Variants in AHCY observed in about 807,000 individuals in gnomAD.
AHCY encodes adenosylhomocysteinase.
In AHCY, 24 loss-of-function variants were observed where a neutral mutation model predicts 45.4. That is an observed-to-expected ratio of 0.53 (90% CI 0.38 to 0.74). AHCY has a LOEUF of 0.74. Among genes scored for constraint, AHCY ranks in the 30% least tolerant of loss-of-function variants. The pLI is 0.00. For synonymous variants in AHCY, 245 were observed against 235.1 expected (o/e 1.04, Z -0.39); for missense variants, 449 against 594.1 (o/e 0.76, Z 2.54).
chr20:34,286,270 C>T (rs186996820), intron 8 of AHCY: 1 of 155,308 alleles, frequency 6.4e-6, no homozygotes, highest in Non-Finnish European at 1.4e-5. Flanking sequence ...GTACTAAGTC[C>T]TTTACAGGTA....
intron 1 of AHCY, chr20:34,302,516 A>T: frequency 1.3e-6 from 1 of 779,172 alleles, no homozygotes; most frequent in Non-Finnish European, 1.6e-6. Context: ...TCATAAAATG[A>T]GAACAGTTTC....
chr20:34,301,245 T>C (rs2036761448), intron 1 of AHCY, among the ~76,000 whole-genome samples: 1 of 152,098 alleles, frequency 6.6e-6, no homozygotes, highest in African/African-American at 2.4e-5. Context: ...GGGGCCCGGC[T>C]GTATGGGACA....
At chr20:34,307,791 T>TA (rs2036911022), upstream of AHCY, among the ~76,000 whole-genome samples, 1 of 152,234 alleles carries the variant, frequency 6.6e-6, no homozygotes, top group African/African-American at 2.4e-5. Flanking sequence ...CCCATTAAAT[T>TA]AAAAAAATTT....
At chr20:34,254,728 G>C in the AHCY span, among the ~76,000 whole-genome samples, 2 of 151,970 alleles carry the variant, frequency 1.3e-5, no homozygotes, top group African/African-American at 2.4e-5. Flanking sequence ...TTTTTCTAAC[G>C]TTCACAAAGT....
intron 9 of AHCY, 42 bp downstream of exon 9, chr20:34,285,398 T>C: frequency 6.2e-7 from 1 of 1,609,470 alleles, no homozygotes; most frequent in Non-Finnish European, 8.5e-7. Flanking sequence ...ATCCCAGGAT[T>C]AGACACGTGA....
chr20:34,310,862 A>T (rs1008282537), intron 1 of AHCY, among the ~76,000 whole-genome samples: 4 of 152,064 alleles, frequency 2.6e-5, no homozygotes, highest in Non-Finnish European at 5.9e-5. Flanking sequence ...GTGGTGGCTC[A>T]TGTCTGTAAT....
At chr20:34,278,607 C>G (rs1214507621), downstream of AHCY, among the ~76,000 whole-genome samples, 2 of 152,108 alleles carry the variant, frequency 1.3e-5, no homozygotes, top group Non-Finnish European at 2.9e-5. Flanking sequence ...AATCCAGGCT[C>G]CCTTCCTAAA....
the AHCY span, among the ~76,000 whole-genome samples, chr20:34,263,602 GA>G: frequency 6.9e-6 from 1 of 145,908 alleles, no homozygotes; most frequent in African/African-American, 2.7e-5. Context: ...AAATGCAGTT[GA>G]CTCTTGAACA....
the AHCY span, among the ~76,000 whole-genome samples, chr20:34,258,860 G>GAT: frequency 8.8e-6 from 1 of 113,104 alleles, no homozygotes; most frequent in African/African-American, 3.2e-5. Flanking sequence ...TATAATATAT[G>GAT]ATATATATAA....
the AHCY span, among the ~76,000 whole-genome samples, chr20:34,271,096 C>A: frequency 6.6e-6 from 1 of 152,138 alleles, no homozygotes. Flanking sequence ...ACCTCAGCCT[C>A]CCAAGTAGCT....
At chr20:34,303,367 G>A (rs953592927), upstream of AHCY, 8 of 1,511,588 alleles carry the variant, frequency 5.3e-6, no homozygotes, top group African/African-American at 8.3e-5. Flanking sequence ...TATGCGCGTG[G>A]CGCCGACGCC....
chr20:34,308,671 T>G (rs2122851534), intron 1 of AHCY, among the ~76,000 whole-genome samples: 1 of 151,824 alleles, frequency 6.6e-6, no homozygotes, highest in East Asian at 1.9e-4. Flanking sequence ...TTTTTTTTTT[T>G]GACACAGAGA....
chr20:34,302,035 C>G, intron 1 of AHCY: 1 of 969,308 alleles, frequency 1.0e-6, no homozygotes, highest in Non-Finnish European at 1.2e-6. Context: ...GGGTCTTGCT[C>G]TGTTGCCCAG....
the AHCY span, among the ~76,000 whole-genome samples, chr20:34,235,842 A>G: frequency 2.7e-5 from 1 of 37,282 alleles, no homozygotes; most frequent in East Asian, 8.3e-4. Context: ...AGAAAGAAAG[A>G]AGGAAGGAAG....
intron 1 of AHCY, chr20:34,302,797 C>A: frequency 9.9e-7 from 1 of 1,009,178 alleles, no homozygotes; most frequent in East Asian, 1.0e-4. Flanking sequence ...TCCTCATACA[C>A]CCTCCGGGGT....
the AHCY span, among the ~76,000 whole-genome samples, chr20:34,269,724 C>G: frequency 6.6e-6 from 1 of 151,768 alleles, no homozygotes; most frequent in Non-Finnish European, 1.5e-5. Flanking sequence ...GCGGGCGGAT[C>G]TCCTGAGGTC....
chr20:34,245,012 C>A, the AHCY span, among the ~76,000 whole-genome samples: 2 of 152,100 alleles, frequency 1.3e-5, no homozygotes, highest in African/African-American at 4.8e-5. Flanking sequence ...CATAAAAAGT[C>A]TACCGGGTTT....
At chr20:34,241,469 G>A in the AHCY span, 1 of 985,442 alleles carries the variant, frequency 1.0e-6, no homozygotes, top group East Asian at 1.1e-4. Context: ...TCCTTGGCCT[G>A]GGCTCTTTGC....
At chr20:34,255,877 A>G in the AHCY span, among the ~76,000 whole-genome samples, 1 of 152,132 alleles carries the variant, frequency 6.6e-6, no homozygotes, top group Non-Finnish European at 1.5e-5. Flanking sequence ...TACTTAGCAG[A>G]CCGAGAAAGG....
Sources: gnomAD v4.1 joint callset for allele counts (sites outside exome capture counted in the v4.1 genomes callset) on GRCh38, gnomAD v4.1.1 for gene constraint, MANE v1.5 for transcripts, NCBI Gene and HGNC (gene_info 2026-07-23, HGNC 2026-07-21) for gene names.